Variants in ARHGAP22 observed in about 807,000 individuals in gnomAD.
ARHGAP22 encodes the protein Rho GTPase activating protein 22.
In ARHGAP22, 48 loss-of-function variants were observed where a neutral mutation model predicts 59.1. The observed-to-expected ratio is 0.81, with a 90% CI of 0.64 to 1.03. The LOEUF (loss-of-function observed/expected upper bound fraction) is 1.03, where lower values mean the gene tolerates loss of function less well. Ranked by LOEUF, ARHGAP22 falls within the 50% of genes least tolerant of loss-of-function variation. The pLI is 0.00. For synonymous variants in ARHGAP22, 445 were observed against 416.4 expected, an observed-to-expected ratio of 1.07 and a Z score of -0.84; for missense variants, 1,015 against 958.7, an observed-to-expected ratio of 1.06 and a Z score of -0.78.
In ARHGAP22 at chr10:48,529,912, T is replaced by A. The variant is rs144835247; in HGVS notation, c.322+25551A>T. Among the ~76,000 whole-genome samples the A allele has an allele frequency of 2.1e-3, 327 of 152,256 alleles. 1 individual carries two copies. Among genetic ancestry groups the A allele is most frequent in the African/African-American group, 7.4e-3 (306 of 41,548 alleles). On this transcript the variant is annotated intron_variant, in intron 3 of 9. Transcript: ENST00000249601. ...AATTGGTAAGCCACACATAGAAGAA[T>A]GAAACTGGATCCTCATCTCTCAACT...
At chr10:48,436,591 A>G in the ARHGAP22 span, 2 of 152,256 alleles carry the variant, frequency 1.3e-5, no homozygotes, top group African/African-American at 2.4e-5. Flanking sequence ...GAGCAAGAAC[A>G]GGTGCGGCTC....
chr10:48,534,593 G>A (rs970589101), intron 3 of ARHGAP22, among the ~76,000 whole-genome samples: 3 of 152,228 alleles, frequency 2.0e-5, no homozygotes, highest in Non-Finnish European at 4.4e-5. Context: ...TCACTTAGTG[G>A]CATACACGCC....
intron 1 of ARHGAP22, among the ~76,000 whole-genome samples, chr10:48,627,218 T>A (rs530177935): frequency 2.6e-5 from 4 of 152,296 alleles, no homozygotes; most frequent in Admixed American, 2.6e-4. Flanking sequence ...AGTAGTGTTT[T>A]CCTGAGTTTT....
At chr10:48,548,879 G>T (rs2056678246) in intron 3 of ARHGAP22, among the ~76,000 whole-genome samples, 1 of 152,202 alleles carries the variant, frequency 6.6e-6, no homozygotes, top group African/African-American at 2.4e-5. Context: ...TGCCCCGGGG[G>T]AGCTAGCCTC....
At chr10:48,449,066 C>T (rs1488891952) in intron 9 of ARHGAP22, among the ~76,000 whole-genome samples, 1 of 152,202 alleles carries the variant, frequency 6.6e-6, no homozygotes, top group Non-Finnish European at 1.5e-5. Context: ...GCCAGAGGAG[C>T]TCCAGGCACT....
chr10:48,606,582 A>G (rs2060684639), upstream of ARHGAP22, among the ~76,000 whole-genome samples: 1 of 152,166 alleles, frequency 6.6e-6, no homozygotes, highest in Non-Finnish European at 1.5e-5. Flanking sequence ...ATGCACATAC[A>G]GCGCCTGCTC....
intron 3 of ARHGAP22, chr10:48,524,119 G>A: frequency 7.5e-7 from 1 of 1,325,326 alleles, no homozygotes. Context: ...GCCGCCCGCG[G>A]CCCCGCCGCT....
At position 48,629,827 on chromosome 10, in the gene ARHGAP22, G is replaced by A. The variant is rs146801195; in HGVS notation, c.52+22407C>T. 6.7e-3 allele frequency among the ~76,000 whole-genome samples: 1,027 copies of A among 152,182 alleles called. 12 individuals are homozygous for A. The highest frequency in any genetic ancestry group is 0.023 in the African/African-American group (961 of 41,518). ...TAAATAATATGGAGTCTTCCAATCC[G>A]CAAACACAGAACAGCTCTCCATTTA... On this transcript the variant is annotated intron_variant, in intron 1 of 9. Transcript: ENST00000435790.
At position 48,629,531 on chromosome 10, in the gene ARHGAP22, G is replaced by A. The variant is rs187370309; in HGVS notation, c.52+22703C>T. On this transcript the variant is annotated intron_variant, in intron 1 of 9. Coordinates refer to the ARHGAP22 transcript ENST00000435790. ...TCAAAGGTCAGTTAGCTACATTTGT[G>A]TGGGTCTATTTCTATTTCTCTATTT... Among the ~76,000 whole-genome samples the A allele has an allele frequency of 1.7e-4, 26 of 152,304 alleles. 1 individual carries two copies. The East Asian group carries it at 5.0e-3, about 29-fold the overall frequency.
At chr10:48,523,985 C>G (rs2054076974) in intron 3 of ARHGAP22, 1 of 1,402,942 alleles carries the variant, frequency 7.1e-7, no homozygotes, top group African/African-American at 1.5e-5. Context: ...TGGCGAGTCC[C>G]CGAGGCGGGG....
At chr10:48,525,534 C>T (rs1430443906) in intron 3 of ARHGAP22, among the ~76,000 whole-genome samples, 1 of 152,220 alleles carries the variant, frequency 6.6e-6, no homozygotes, top group African/African-American at 2.4e-5. Flanking sequence ...GATTCGGCCA[C>T]TGCACTCCAG....
At chr10:48,449,155 C>T (rs1184867360) in intron 9 of ARHGAP22, among the ~76,000 whole-genome samples, 1 of 152,210 alleles carries the variant, frequency 6.6e-6, no homozygotes, top group Non-Finnish European at 1.5e-5. Context: ...TCCCATGTAC[C>T]CTGTAGTTTG....
chr10:48,652,232 A>G lies in ARHGAP22; in HGVS notation c.52+2T>C, dbSNP rs1365845673. The stretch of plus-strand genomic sequence containing the variant: ...CCACATAGAACATAAAAAAATTCTT[A>G]CTGAAATATCTGGCTGCAAACGTCC... On this transcript the variant is annotated splice_donor_variant, in intron 1 of 9. Coordinates refer to the ARHGAP22 transcript ENST00000435790. LOFTEE classifies it high-confidence loss of function. The G allele has an allele frequency of 2.0e-6, 3 of 1,535,270 alleles. No homozygotes were observed. The highest frequency in any genetic ancestry group is 4.9e-5 in the East Asian group (2 of 40,920).
chr10:48,650,065 G>A (rs1180348479), intron 1 of ARHGAP22, among the ~76,000 whole-genome samples: 1 of 150,068 alleles, frequency 6.7e-6, no homozygotes, highest in African/African-American at 2.4e-5. Context: ...CAGGTGGAGA[G>A]AAGAAAGATA....
chr10:48,599,325 C>T (rs918611209), intron 1 of ARHGAP22, among the ~76,000 whole-genome samples: 10 of 152,166 alleles, frequency 6.6e-5, no homozygotes, highest in African/African-American at 1.2e-4. Flanking sequence ...GGGACTGCCA[C>T]GTGGGGACAC....
intron 2 of ARHGAP22, among the ~76,000 whole-genome samples, chr10:48,572,211 C>T (rs2058439404): frequency 6.6e-6 from 1 of 152,200 alleles, no homozygotes; most frequent in South Asian, 2.1e-4. Flanking sequence ...AAGTCATACA[C>T]CTGTACACTT....
At chr10:48,601,477 T>C (rs926306294) in intron 1 of ARHGAP22, among the ~76,000 whole-genome samples, 1 of 152,232 alleles carries the variant, frequency 6.6e-6, no homozygotes, top group South Asian at 2.1e-4. Flanking sequence ...ACTTCTATGT[T>C]TCCAGATAGT....
chr10:48,494,470 G>A (rs1267121864), intron 3 of ARHGAP22, among the ~76,000 whole-genome samples: 1 of 152,220 alleles, frequency 6.6e-6, no homozygotes, highest in Non-Finnish European at 1.5e-5. Flanking sequence ...ACTTTGCTCA[G>A]TAAGTACAGA....
chr10:48,475,854 A>C (rs3844600), intron 4 of ARHGAP22, among the ~76,000 whole-genome samples: 1 of 152,012 alleles, frequency 6.6e-6, no homozygotes, highest in Non-Finnish European at 1.5e-5. Context: ...CAGCTCTACC[A>C]TGATGACAAG....
Sources: allele counts gnomAD v4.1 joint callset (sites outside exome capture counted in the v4.1 genomes callset), GRCh38; gene constraint gnomAD v4.1.1; transcripts MANE v1.5; gene names NCBI Gene and HGNC (gene_info 2026-07-23, HGNC 2026-07-21).